Variants in CILP observed in about 807,000 individuals in gnomAD.
CILP encodes cartilage intermediate layer protein 1.
In CILP, 75 loss-of-function variants were observed where a neutral mutation model predicts 82.5. That is an observed-to-expected ratio of 0.91 (90% CI 0.75 to 1.10). The LOEUF (loss-of-function observed/expected upper bound fraction) is 1.10. CILP is among the 50% of genes least tolerant of loss of function. The pLI, the probability that CILP is intolerant of heterozygous loss-of-function variation, is 0.00. For missense variants in CILP, 1,479 were observed against 1,530.8 expected (o/e 0.97, Z 0.56); for synonymous variants, 530 against 580.3 (o/e 0.91, Z 1.25).
Position 65,197,294 on chromosome 15 carries a change from G to A in CILP, c.2992C>T (p.Gln998Ter). 1 of 1,614,054 alleles carries A rather than the reference G, an allele frequency of 6.2e-7. No homozygotes were observed. The highest frequency in any genetic ancestry group is 8.5e-7 in the Non-Finnish European group (1 of 1,179,978). Reference protein sequence around the residue: ...RDVRSTRDRDQPNVSAACLEF... With the variant: ...RDVRSTRDRD ...AGACAGGCAGCTGAGACATTGGGCT[G>A]GTCCCTGTCCCGAGTGCTCCTCACA... Residue 998 changes from glutamine to a stop codon, truncating the protein, a stop_gained, in exon 9 of 9, where the codon CAG (glutamine) becomes TAG (stop). Coordinates refer to ENST00000261883, the MANE Select transcript of CILP (RefSeq NM_003613.4). LOFTEE classifies it high-confidence loss of function.
In CILP at chr15:65,197,029, G is replaced by A. The variant is rs370591444; in HGVS notation, c.3257C>T (p.Thr1086Met). The part of the protein sequence containing the change: ...IYTVTDQDPR[T>M]AKEIALGRCF... ...CCGGCCGAGCGCGATCTCCTTGGCC[G>A]TGCGAGGGTCCTGGTCAGTGACAGT... The change falls in exon 9 of 9, where the codon ACG (threonine) becomes ATG (methionine). Residue 1086 changes from threonine (T) to methionine (M), a missense_variant. Coordinates refer to ENST00000261883, the MANE Select transcript of CILP (RefSeq NM_003613.4). 24 of 1,614,084 alleles carry A rather than the reference G, an allele frequency of 1.5e-5. No homozygotes were observed. Among genetic ancestry groups the A allele is most frequent in the East Asian group, 4.5e-5 (2 of 44,898 alleles).
At chr15:65,199,198 G>A in intron 8 of CILP, 99 bp from the exon 9 acceptor site, 1 of 789,704 alleles carries the variant, frequency 1.3e-6, no homozygotes, top group Non-Finnish European at 2.0e-6. Flanking sequence ...GGTTTTCAAA[G>A]GACTTGTATA....
At position 65,209,856 on chromosome 15, in the gene CILP, AGTGACCT is replaced by A; in HGVS notation, c.-106-2_-102del. On this transcript the variant is annotated splice_acceptor_variant and 5_prime_UTR_variant, in exon 2 of 9. Coordinates refer to ENST00000261883, the MANE Select transcript of CILP (RefSeq NM_003613.4). LOFTEE classifies it low-confidence loss of function (5UTR_SPLICE). Reference sequence around the variant, plus strand: ...GTCCCCTGGGAAGTTTCTCAGATCCAGTGACCTGTAAAGAAACAAAGCTTGTCAGGTT... The same window carrying A: ...GTCCCCTGGGAAGTTTCTCAGATCCAGTAAAGAAACAAAGCTTGTCAGGTT... 1 of 929,130 alleles carries A rather than the reference AGTGACCT, an allele frequency of 1.1e-6. No individual in the cohort carries two copies. Among genetic ancestry groups the A allele is most frequent in the South Asian group, 1.4e-5 (1 of 70,864 alleles). The allele number at this position is 929,130 out of a possible 1,614,324, so 57.6% of individuals were successfully genotyped here.
Position 65,198,848 on chromosome 15 carries a change from A to T in CILP, c.1438T>A (p.Cys480Ser). 1 of 1,613,958 alleles carries T rather than the reference A, an allele frequency of 6.2e-7. No homozygotes were observed. Among genetic ancestry groups the T allele is most frequent in the Non-Finnish European group, 8.5e-7 (1 of 1,180,004 alleles). ...GTTTCCGTACACCGCTGGCAGCTGC[A>T]CTCCTTGGCCACCTTGGTGGGTAGC... Reference protein sequence around the residue: ...YTLPTKVAKECSCQRCTETRS... With the variant: ...YTLPTKVAKESSCQRCTETRS... The change falls in exon 9 of 9, where the codon TGC becomes AGC. Residue 480 changes from cysteine (C) to serine (S), a missense_variant. Physicochemically the swap from Cys to Ser is moderately radical, Grantham distance 112. Transcript: ENST00000261883.
rs2088353346 is a variant in CILP at position 65,195,772 on chromosome 15, T to A, written c.*959A>T. 6.6e-6 allele frequency: 1 copy of A among 152,218 alleles called. No individual in the cohort carries two copies. The highest frequency in any genetic ancestry group is 1.5e-5 in the Non-Finnish European group (1 of 68,036). 9.4% of individuals were successfully genotyped at this position (152,218 alleles called of 1,614,324 possible). On this transcript the variant is annotated 3_prime_UTR_variant, in exon 9 of 9. Coordinates refer to ENST00000261883, the MANE Select transcript of CILP (RefSeq NM_003613.4). The stretch of plus-strand genomic sequence containing the variant: ...GAAAAAAATCGGGACGTGTTTTTAG[T>A]CTTGCTCAGGAGCCCAGAACATGCT...
chr15:65,209,740 C>G lies in CILP; in HGVS notation c.16G>C (p.Ala6Pro), dbSNP rs767648718. Residue 6 changes from alanine to proline, a missense_variant, in exon 2 of 9, where the codon GCC becomes CCC. Physicochemically the swap from Ala to Pro is conservative, Grantham distance 27. Coordinates refer to ENST00000261883, the MANE Select transcript of CILP (RefSeq NM_003613.4). Reference protein sequence around the residue: MVGTKAWVFSFLVLEV... With the variant: MVGTKPWVFSFLVLEV... The stretch of plus-strand genomic sequence containing the variant: ...AGGACCAGGAAGGAGAACACCCAGG[C>G]CTTGGTCCCCACCATCTTTCCCCCA... The G allele has an allele frequency of 3.5e-5, 57 of 1,613,904 alleles. No homozygotes were observed. Among genetic ancestry groups the G allele is most frequent in the Non-Finnish European group, 4.7e-5 (55 of 1,179,984 alleles).
chr15:65,209,012 C>CTTTTTTTTTTTTTTTTTTTTTTT (rs556369891), intron 2 of CILP, among the ~76,000 whole-genome samples: 3 of 69,982 alleles, frequency 4.3e-5, no homozygotes, highest in East Asian at 5.9e-4. Context: ...GGGTTTTGAG[C>CTTTTTTTTTTTTTTTTTTTTTTT]TTTTTTTTTT....
intron 6 of CILP, 149 bp downstream of exon 6, chr15:65,204,119 G>A: frequency 1.5e-6 from 1 of 651,380 alleles, no homozygotes; most frequent in Non-Finnish European, 2.6e-6. Flanking sequence ...AGAAGAAATG[G>A]AGGGCCAGAT....
intron 8 of CILP, among the ~76,000 whole-genome samples, chr15:65,200,875 C>G (rs2088442129): frequency 6.6e-6 from 1 of 152,244 alleles, no homozygotes; most frequent in Non-Finnish European, 1.5e-5. Flanking sequence ...AGAACCATTA[C>G]TTAAGCCCCA....
chr15:65,210,883 C>T (rs759569332), intron 1 of CILP, among the ~76,000 whole-genome samples: 58 of 152,196 alleles, frequency 3.8e-4, no homozygotes, highest in Non-Finnish European at 7.3e-4. Flanking sequence ...TCCCAAAGGC[C>T]TCCACATTGT....
chr15:65,204,950 C>T lies in CILP; in HGVS notation c.604+337G>A, dbSNP rs894116471. ...AGTAGAATCCCTTAAACCCAGGAGG[C>T]GGAGGCTGGAGTAAGCCAAGATTGC... is the stretch of plus-strand genomic sequence containing the variant. On this transcript the variant is annotated intron_variant, in intron 5 of 8. Coordinates refer to ENST00000261883, the MANE Select transcript of CILP (RefSeq NM_003613.4). Among the ~76,000 whole-genome samples, 10 of 152,216 alleles carry T rather than the reference C, an allele frequency of 6.6e-5. No homozygotes were observed. In the East Asian group the frequency reaches 1.4e-3, roughly 21 times the overall value.
Position 65,197,077 on chromosome 15 carries a change from A to G in CILP, c.3209T>C (p.Leu1070Pro). 6.2e-7 allele frequency: 1 copy of G among 1,613,768 alleles called. No homozygotes were observed. The highest frequency in any genetic ancestry group is 8.5e-7 in the Non-Finnish European group (1 of 1,179,928). Residue 1070 changes from leucine (L) to proline (P), a missense_variant, in exon 9 of 9, where the codon CTG (leucine) becomes CCG (proline). Leu to Pro is a moderately conservative substitution (Grantham distance 98, BLOSUM62 -3). Coordinates refer to ENST00000261883, the MANE Select transcript of CILP (RefSeq NM_003613.4). Reference sequence around the variant, plus strand: ...AGTGTAGATGCCATAGTTGTGGCCCAGTGGGTCCAAGGGTGCCAGCATGGT... The same window carrying G: ...AGTGTAGATGCCATAGTTGTGGCCCGGTGGGTCCAAGGGTGCCAGCATGGT... ...EYTMLAPLDP[L>P]GHNYGIYTVT...
intron 7 of CILP, among the ~76,000 whole-genome samples, chr15:65,202,825 G>A (rs2088474622): frequency 6.9e-6 from 1 of 144,354 alleles, no homozygotes. Flanking sequence ...ATGCTCCAGG[G>A]GACCACAGCT....
In CILP at chr15:65,197,311, C is replaced by G; in HGVS notation, c.2975G>C (p.Ser992Thr). 6.2e-7 allele frequency: 1 copy of G among 1,614,112 alleles called. No homozygotes were observed. The highest frequency in any genetic ancestry group is 8.5e-7 in the Non-Finnish European group (1 of 1,180,006). The change falls in exon 9 of 9, where the codon AGC becomes ACC. Residue 992 changes from serine (S) to threonine (T), a missense_variant. Transcript: ENST00000261883. ...ATTGGGCTGGTCCCTGTCCCGAGTG[C>G]TCCTCACATCTCGGATTCCATACAG... Reference protein sequence around the residue: ...GKLYGIRDVRSTRDRDQPNVS... With the variant: ...GKLYGIRDVRTTRDRDQPNVS...
chr15:65,206,676 C>T, intron 4 of CILP, 106 bp downstream of exon 4: 1 of 1,226,564 alleles, frequency 8.2e-7, no homozygotes, highest in Non-Finnish European at 1.1e-6. Flanking sequence ...CAAGCATACG[C>T]ATGTGTGTGA....
Position 65,204,347 on chromosome 15 carries a change from G to T in CILP, c.840C>A (p.Val280=). 1 of 1,614,192 alleles carries T rather than the reference G, an allele frequency of 6.2e-7. No individual in the cohort carries two copies. Among genetic ancestry groups the T allele is most frequent in the Non-Finnish European group, 8.5e-7 (1 of 1,180,042 alleles). Residue 280 remains valine, a synonymous_variant, in exon 6 of 9, where the codon GTC becomes GTA. Coordinates refer to ENST00000261883, the MANE Select transcript of CILP (RefSeq NM_003613.4). ...TTGTGAGTACAATGGGGGCAAACTT[G>T]ACCTTTGTGATCTTCAGGATGCTTT... ...DGKSILKITK[V]KFAPIVLTMP...
intron 7 of CILP, among the ~76,000 whole-genome samples, 176 bp from the exon 8 acceptor site, chr15:65,202,205 T>C (rs2088465840): frequency 6.6e-6 from 1 of 152,126 alleles, no homozygotes; most frequent in Admixed American, 6.6e-5. Flanking sequence ...ACAAGGAGCT[T>C]GGTTCTAAGT....
At chr15:65,207,369 G>A (rs75676384) in intron 3 of CILP, among the ~76,000 whole-genome samples, 3,212 of 152,192 alleles carry the variant, frequency 0.021, 118 homozygotes, top group African/African-American at 0.073. Flanking sequence ...GTCTAGCTAG[G>A]CATTCAGGGT....
At position 65,203,374 on chromosome 15, in the gene CILP, T is replaced by C. The variant is rs1353516210; in HGVS notation, c.1016A>G (p.Asp339Gly). ...GCAGAATACGCACCAAAAATACTTG[T>C]CTGGCCTGGGCTTCCCTGTGGCCTT... ...CCKATGKPRP[D>G]KYFWYHNDTL... Residue 339 changes from aspartate (D) to glycine (G), a missense_variant, in exon 7 of 9, where the codon GAC becomes GGC. Physicochemically the swap from Asp to Gly is moderately conservative, Grantham distance 94. Transcript: ENST00000261883. 1.2e-6 allele frequency: 2 copies of C among 1,613,268 alleles called. No individual in the cohort carries two copies. Among genetic ancestry groups the C allele is most frequent in the African/African-American group, 1.3e-5 (1 of 74,906 alleles).
Sources: allele counts gnomAD v4.1 joint callset (sites outside exome capture counted in the v4.1 genomes callset), GRCh38; gene constraint gnomAD v4.1.1; transcripts MANE v1.5; gene names NCBI Gene and HGNC (gene_info 2026-07-23, HGNC 2026-07-21).